CRYBG2: variants seen among roughly 807,000 people sequenced by gnomAD.
CRYBG2 encodes crystallin beta-gamma domain containing 2, also known as beta/gamma crystallin domain-containing protein 2.
CRYBG2 carries 106 observed loss-of-function variants against 153.4 expected under a neutral mutation model. That is an observed-to-expected ratio of 0.69 (90% CI 0.59 to 0.81). CRYBG2 has a LOEUF of 0.81. CRYBG2 is among the 30% of genes least tolerant of loss of function. CRYBG2 has a pLI of 0.00. For synonymous variants in CRYBG2, 851 were observed against 877.8 expected, an observed-to-expected ratio of 0.97 and a Z score of 0.54; for missense variants, 1,996 against 2,112.0, an observed-to-expected ratio of 0.95 and a Z score of 1.08.
At position 26,345,142 on chromosome 1, in the gene CRYBG2, C is replaced by G; in HGVS notation, c.1516G>C (p.Ala506Pro). The G allele has an allele frequency of 8.8e-7, 1 of 1,130,496 alleles. No homozygotes were observed. 70.0% of individuals were successfully genotyped at this position (1,130,496 alleles called of 1,614,324 possible). Residue 506 changes from alanine (A) to proline (P), a missense_variant, in exon 2 of 20, where the codon GCC (alanine) becomes CCC (proline). Transcript: ENST00000308182. ...ACCTCCTTCTGGGTGGGAGATGAGG[C>G]AGCAGGAGCACCAGGGCCCTTCACG... ...EVVKGPGAPAASSPTQKEVVQ... is the reference protein window; with the variant it reads ...EVVKGPGAPAPSSPTQKEVVQ...
intron 14 of CRYBG2, among the ~76,000 whole-genome samples, chr1:26,335,852 G>T (rs1344446657): frequency 6.6e-6 from 1 of 152,094 alleles, no homozygotes; most frequent in South Asian, 2.1e-4. Flanking sequence ...TTGGGTCAGG[G>T]ATTTAAAATA....
In CRYBG2 at chr1:26,335,292, C is replaced by A. The variant is rs188819173; in HGVS notation, c.4184+803G>T. Among the ~76,000 whole-genome samples, 195 of 151,718 alleles carry A rather than the reference C, an allele frequency of 1.3e-3. 1 individual carries two copies. The highest frequency in any genetic ancestry group is 4.5e-3 in the African/African-American group (184 of 41,328). ...GGGAATTCAACACCAGCCTAATCCA[C>A]ATGGAGAAACCCCATCTCTACTAAA... On this transcript the variant is annotated intron_variant, in intron 14 of 19. Coordinates refer to ENST00000308182, the MANE Select transcript of CRYBG2 (RefSeq NM_001039775.4).
Position 26,336,048 on chromosome 1 carries a change from C to T in CRYBG2, c.4184+47G>A. The stretch of plus-strand genomic sequence containing the variant: ...TTGAAAGACTCTCCTCCTGCAGCCC[C>T]GCCTCTGCCCCAGCGCCCCCAGCCC... On this transcript the variant is annotated intron_variant, in intron 14 of 19. Transcript: ENST00000308182. The surrounding 1 kb of genome is among the most constrained non-coding windows in gnomAD (Gnocchi z 4.9). 7.3e-7 allele frequency: 1 copy of T among 1,376,620 alleles called. No homozygotes were observed. Among genetic ancestry groups the T allele is most frequent in the Non-Finnish European group, 9.7e-7 (1 of 1,033,956 alleles). 85.3% of individuals were successfully genotyped at this position (1,376,620 alleles called of 1,614,324 possible). A position where few individuals can be genotyped will look rare whatever the true frequency, so the allele number is the denominator to read the frequency against.
At position 26,338,363 on chromosome 1, in the gene CRYBG2, C is replaced by T. The variant is rs541913109; in HGVS notation, c.3459G>A (p.Lys1153=). 60 of 1,605,906 alleles carry T rather than the reference C, an allele frequency of 3.7e-5. 1 individual carries two copies. In the South Asian group the frequency reaches 6.2e-4, roughly 17 times the overall value. The change falls in exon 7 of 20, where the codon AAG becomes AAA. Residue 1153 remains lysine (K), a synonymous_variant. Coordinates refer to ENST00000308182, the MANE Select transcript of CRYBG2 (RefSeq NM_001039775.4). The part of the protein sequence containing the change: ...GTSDPSVGSL[K]PMRLGCPSVE... Reference sequence around the variant, plus strand: ...CCCTGTTCTTTACCAATCTCATGGGCTTCAGGGAGCCCACGCTGGGGTCCG... The same window carrying T: ...CCCTGTTCTTTACCAATCTCATGGGTTTCAGGGAGCCCACGCTGGGGTCCG...
chr1:26,336,320 GC>G lies in CRYBG2; in HGVS notation c.4071+17del. The stretch of plus-strand genomic sequence containing the variant: ...AGAGACGTGAGCCCAGCGGCTCCCT[GC>G]GGAGTCCCTGCCTTACCTTTGAGAC... On this transcript the variant is annotated intron_variant, in intron 13 of 19. Coordinates refer to ENST00000308182, the MANE Select transcript of CRYBG2 (RefSeq NM_001039775.4). This position sits in a 1 kb window ranked among gnomAD's most constrained non-coding sequence, Gnocchi z 4.9. 6.2e-7 allele frequency: 1 copy of G among 1,613,160 alleles called. No homozygotes were observed. The highest frequency in any genetic ancestry group is 8.5e-7 in the Non-Finnish European group (1 of 1,179,566).
In CRYBG2 at chr1:26,336,359, G is replaced by C. The variant is rs1345832797; in HGVS notation, c.4050C>G (p.His1350Gln). Residue 1350 changes from histidine (H) to glutamine (Q), a missense_variant, in exon 13 of 20, where the codon CAC becomes CAG. Coordinates refer to ENST00000308182, the MANE Select transcript of CRYBG2 (RefSeq NM_001039775.4). This position sits in a 1 kb window ranked among gnomAD's most constrained non-coding sequence, Gnocchi z 4.9. Reference protein sequence around the residue: ...SLQPVLQVGEHDLHFVSKIQL... With the variant: ...SLQPVLQVGEQDLHFVSKIQL... ...TTACCTTTGAGACGAAGTGCAGATC[G>C]TGCTCCCCGACCTGAAGGTAGGGAC... 3.1e-6 allele frequency: 5 copies of C among 1,613,492 alleles called. No individual in the cohort carries two copies. The highest frequency in any genetic ancestry group is 4.2e-6 in the Non-Finnish European group (5 of 1,179,708).
intron 1 of CRYBG2, among the ~76,000 whole-genome samples, chr1:26,352,328 G>A (rs984763234): frequency 2.6e-5 from 4 of 151,972 alleles, no homozygotes; most frequent in South Asian, 2.1e-4. Flanking sequence ...ATACAAACAC[G>A]CACAGGCACT....
At chr1:26,323,758 G>A (rs2124689225) in intron 18 of CRYBG2, among the ~76,000 whole-genome samples, 1 of 152,184 alleles carries the variant, frequency 6.6e-6, no homozygotes, top group South Asian at 2.1e-4. Context: ...GAGACTACAG[G>A]CATGCACCAC....
In CRYBG2 at chr1:26,337,537, C is replaced by A; in HGVS notation, c.3644+1G>T. ...TAGAAGGAAGGGTCCTGAGTTCTCA[C>A]CAGCCTCCGAGAACTCTCAGGGACC... On this transcript the variant is annotated splice_donor_variant, in intron 9 of 19. Coordinates refer to ENST00000308182, the MANE Select transcript of CRYBG2 (RefSeq NM_001039775.4). LOFTEE classifies it high-confidence loss of function. 1.2e-6 allele frequency: 2 copies of A among 1,611,790 alleles called. No individual in the cohort carries two copies. The highest frequency in any genetic ancestry group is 1.1e-5 in the South Asian group (1 of 91,074).
At chr1:26,326,611 G>A (rs2073930104) in intron 17 of CRYBG2, 1 of 210,886 alleles carries the variant, frequency 4.7e-6, no homozygotes, top group African/African-American at 2.3e-5. Flanking sequence ...TTATTCCTTA[G>A]GACAAGGATA....
intron 6 of CRYBG2, among the ~76,000 whole-genome samples, chr1:26,338,873 T>G (rs2074094087): frequency 6.6e-6 from 1 of 152,190 alleles, no homozygotes; most frequent in Admixed American, 6.5e-5. Context: ...CTCTGGGCCT[T>G]TGCATGTGCT....
In CRYBG2 at chr1:26,346,784, C is replaced by G. The variant is rs2074228405; in HGVS notation, c.-55-72G>C. On this transcript the variant is annotated intron_variant, in intron 1 of 19. Coordinates refer to ENST00000308182, the MANE Select transcript of CRYBG2 (RefSeq NM_001039775.4). The surrounding 1 kb of genome is among the most constrained non-coding windows in gnomAD (Gnocchi z 4.9). ...CTTCCTAAAGTGCAGAATAACCACC[C>G]CTACCCAAGTCAGGCTGGGAACCTC... 1 of 1,033,514 alleles carries G rather than the reference C, an allele frequency of 9.7e-7. No individual in the cohort carries two copies. The highest frequency in any genetic ancestry group is 1.4e-6 in the Non-Finnish European group (1 of 734,202). The allele number at this position is 1,033,514 out of a possible 1,614,324, so 64.0% of individuals were successfully genotyped here.
chr1:26,329,654 T>C (rs932990031), intron 15 of CRYBG2, among the ~76,000 whole-genome samples: 3 of 152,048 alleles, frequency 2.0e-5, no homozygotes, highest in Non-Finnish European at 4.4e-5. Flanking sequence ...TAATTTTTTG[T>C]AGAGACAGGG....
At position 26,336,131 on chromosome 1, in the gene CRYBG2, G is replaced by T. The variant is rs1490457703; in HGVS notation, c.4148C>A (p.Ser1383Tyr). 2.6e-6 allele frequency: 4 copies of T among 1,524,476 alleles called. No homozygotes were observed. In the Admixed American group the frequency reaches 6.1e-5, roughly 23 times the overall value. The allele number at this position is 1,524,476 out of a possible 1,614,324, so 94.4% of individuals were successfully genotyped here. A position where few individuals can be genotyped will look rare whatever the true frequency, so the allele number is the denominator to read the frequency against. ...FEDDQAALPA[S>Y]FRPQSCRVHG... ...GACCCGGCAGGACTGAGGTCGGAAG[G>T]AGGCGGGCAGAGCGGCCTGGTCATC... Residue 1383 changes from serine (S) to tyrosine (Y), a missense_variant, in exon 14 of 20, where the codon TCC becomes TAC. Transcript: ENST00000308182. This position sits in a 1 kb window ranked among gnomAD's most constrained non-coding sequence, Gnocchi z 4.9.
At position 26,343,845 on chromosome 1, in the gene CRYBG2, GC is replaced by G; in HGVS notation, c.2812del (p.Ala938HisfsTer38). The G allele has an allele frequency of 1.4e-6, 2 of 1,474,788 alleles. No homozygotes were observed. Among genetic ancestry groups the G allele is most frequent in the South Asian group, 1.4e-5 (1 of 72,424 alleles). The allele number at this position is 1,474,788 out of a possible 1,614,324, so 91.4% of individuals were successfully genotyped here. On this transcript the variant is annotated frameshift_variant, in exon 2 of 20. Coordinates refer to ENST00000308182, the MANE Select transcript of CRYBG2 (RefSeq NM_001039775.4). LOFTEE classifies it high-confidence loss of function. The surrounding 1 kb of genome is among the most constrained non-coding windows in gnomAD (Gnocchi z 4.1). The stretch of plus-strand genomic sequence containing the variant: ...TCCTGGCACCTTCCTGAGCCCCGGT[GC>G]CCCATGGGGCAGCAGAGCAGATAGT... ...TKLSALLPHG[A>X]PGLRKVPGQL...
rs370652179 is a variant in CRYBG2, at chr1:26,345,469, C to T, written c.1189G>A (p.Val397Met). 141 of 1,592,318 alleles carry T rather than the reference C, an allele frequency of 8.9e-5. 1 individual carries two copies. The highest frequency in any genetic ancestry group is 3.4e-4 in the Middle Eastern group (2 of 5,920). Residue 397 changes from valine (V) to methionine (M), a missense_variant, in exon 2 of 20, where the codon GTG becomes ATG. Val to Met is a conservative substitution (Grantham distance 21). Coordinates refer to ENST00000308182, the MANE Select transcript of CRYBG2 (RefSeq NM_001039775.4). The stretch of plus-strand genomic sequence containing the variant: ...AGGACGGTGGCAGCAGGGGGGTCCA[C>T]GGGCCCGTCCTTTTTTTTAGGGGGC... ...VLPPKKKDGP[V>M]DPPAATVLPM...
Position 26,328,768 on chromosome 1 carries a change from T to C in CRYBG2, c.4420A>G (p.Asn1474Asp), listed in dbSNP as rs757705828. 6.2e-7 allele frequency: 1 copy of C among 1,614,014 alleles called. No individual in the cohort carries two copies. The highest frequency in any genetic ancestry group is 1.1e-5 in the South Asian group (1 of 91,074). ...VRSLQAEGFN[N>D]HVLSVRIKGG... is the part of the protein sequence containing the mutation. ...TTGATCCGCACAGACAGCACATGGT[T>C]GTTGAAGCCCTCGGCTTGCAGGCTC... Residue 1474 changes from asparagine (N) to aspartate (D), a missense_variant, in exon 16 of 20, where the codon AAC (asparagine) becomes GAC (aspartate). Coordinates refer to ENST00000308182, the MANE Select transcript of CRYBG2 (RefSeq NM_001039775.4).
At position 26,345,439 on chromosome 1, in the gene CRYBG2, T is replaced by C. The variant is rs1356628269; in HGVS notation, c.1219A>G (p.Met407Val). The C allele has an allele frequency of 6.2e-7, 1 of 1,604,140 alleles. No homozygotes were observed. Among genetic ancestry groups the C allele is most frequent in the Non-Finnish European group, 8.5e-7 (1 of 1,174,330 alleles). The change falls in exon 2 of 20, where the codon ATG becomes GTG. Residue 407 changes from methionine (M) to valine (V), a missense_variant. Coordinates refer to ENST00000308182, the MANE Select transcript of CRYBG2 (RefSeq NM_001039775.4). ...ACTGTCACATGCTCGCTCCTCACCA[T>C]GGGCAGGACGGTGGCAGCAGGGGGG... ...VDPPAATVLP[M>V]VRSEHVTVPG... is the part of the protein sequence containing the mutation.
intron 14 of CRYBG2, among the ~76,000 whole-genome samples, chr1:26,333,209 AG>A (rs1570178213): frequency 6.6e-6 from 1 of 151,860 alleles, no homozygotes; most frequent in East Asian, 1.9e-4. Context: ...GGCCTTTAGG[AG>A]GTAATTCGGT....
Sources: allele counts gnomAD v4.1 joint callset (sites outside exome capture counted in the v4.1 genomes callset), GRCh38; gene constraint gnomAD v4.1.1; non-coding constraint Gnocchi (gnomAD v3.1); transcripts MANE v1.5; gene names NCBI Gene and HGNC (gene_info 2026-07-23, HGNC 2026-07-21).